PRICKLE2: variants seen among roughly 807,000 people sequenced by gnomAD.
PRICKLE2 encodes prickle planar cell polarity protein 2, also known as prickle-like protein 2.
Under a neutral mutation model 81.4 loss-of-function variants are expected in PRICKLE2, and 21 were observed. That is an observed-to-expected ratio of 0.26 (90% CI 0.18 to 0.37). The LOEUF (loss-of-function observed/expected upper bound fraction) is 0.37. Ranked by LOEUF, PRICKLE2 falls within the 10% of genes least tolerant of loss-of-function variation. The pLI is 1.00. For missense variants in PRICKLE2, 940 were observed against 1,109.0 expected, an observed-to-expected ratio of 0.85 and a Z score of 2.16; for synonymous variants, 456 against 421.5, an observed-to-expected ratio of 1.08 and a Z score of -1.00.
intron 1 of PRICKLE2, 119 bp from the exon 2 acceptor site, chr3:64,199,086 T>C (rs964709592): frequency 2.3e-6 from 2 of 880,022 alleles, no homozygotes; most frequent in Admixed American, 2.0e-5. Flanking sequence ...GCAATGGGCA[T>C]CGGGCAAAGG....
intron 7 of PRICKLE2, among the ~76,000 whole-genome samples, chr3:64,139,316 T>TA (rs917234288): frequency 1.1e-4 from 16 of 152,194 alleles, no homozygotes; most frequent in African/African-American, 1.9e-4. Context: ...CTGGCCTGAG[T>TA]AAAAAAAACA....
At chr3:64,254,862 T>C (rs1333696887) in intron 2 of PRICKLE2, among the ~76,000 whole-genome samples, 4 of 152,192 alleles carry the variant, frequency 2.6e-5, no homozygotes, top group Admixed American at 6.5e-5. Flanking sequence ...CACTTACCAG[T>C]TGTATGGTCT....
chr3:64,103,436 G>T (rs921559451), intron 7 of PRICKLE2: 3 of 152,198 alleles, frequency 2.0e-5, no homozygotes, highest in Non-Finnish European at 4.4e-5. Context: ...CATGCAAAAA[G>T]AATATGTGCT....
At chr3:64,227,251 G>A (rs1364533073), upstream of PRICKLE2, among the ~76,000 whole-genome samples, 1 of 152,116 alleles carries the variant, frequency 6.6e-6, no homozygotes, top group Non-Finnish European at 1.5e-5. Context: ...ACAGAACTCA[G>A]AGCGTGTAGG....
chr3:64,147,777 C>G lies in PRICKLE2; in HGVS notation c.788-75G>C. The G allele has an allele frequency of 6.5e-7, 1 of 1,536,362 alleles. No homozygotes were observed. Among genetic ancestry groups the G allele is most frequent in the East Asian group, 2.3e-5 (1 of 44,430 alleles). ...GCACTGGGACGTGAAACACATAGCA[C>G]CTTGGTTTGTCTCAGGATTCCAGGT... On this transcript the variant is annotated intron_variant, in intron 6 of 7. Transcript: ENST00000638394. The surrounding 1 kb of genome is among the most constrained non-coding windows in gnomAD (Gnocchi z 5.0).
intron 7 of PRICKLE2, among the ~76,000 whole-genome samples, chr3:64,126,221 G>A (rs696010): frequency 0.5 from 76,247 of 151,998 alleles, 19,682 homozygotes; most frequent in Middle Eastern, 0.62. Flanking sequence ...GAAACAGTCT[G>A]GGACAAGAAT....
Position 64,126,425 on chromosome 3 carries a change from T to A in PRICKLE2, c.1660+20405A>T, listed in dbSNP as rs1426598800. ...AAACCATACCATCTCAACCCACACC[T>A]CTACCTCAAAGCTCAAAACCCAAAG... is the stretch of plus-strand genomic sequence containing the variant. On this transcript the variant is annotated intron_variant, in intron 7 of 7. Coordinates refer to ENST00000638394, the MANE Select transcript of PRICKLE2 (RefSeq NM_198859.4). Among the ~76,000 whole-genome samples, 5 of 152,218 alleles carry A rather than the reference T, an allele frequency of 3.3e-5. No homozygotes were observed. The South Asian group carries it at 1.0e-3, about 32-fold the overall frequency.
At chr3:64,266,475 T>C (rs1280526294) in intron 2 of PRICKLE2, among the ~76,000 whole-genome samples, 1 of 152,156 alleles carries the variant, frequency 6.6e-6, no homozygotes, top group Non-Finnish European at 1.5e-5. Flanking sequence ...CACAGGATCA[T>C]TTTTATATGC....
At chr3:64,136,763 G>A (rs1024710543) in intron 7 of PRICKLE2, among the ~76,000 whole-genome samples, 1 of 152,030 alleles carries the variant, frequency 6.6e-6, no homozygotes, top group African/African-American at 2.4e-5. Context: ...GGAAGGTCAA[G>A]GTAGGAAGGT....
chr3:64,108,105 T>G (rs996806133), intron 7 of PRICKLE2, among the ~76,000 whole-genome samples: 7 of 152,242 alleles, frequency 4.6e-5, no homozygotes, highest in African/African-American at 1.7e-4. Context: ...TTCATTTGCA[T>G]GTTGTTGGTG....
At chr3:64,108,448 GT>G (rs2076789872) in intron 7 of PRICKLE2, among the ~76,000 whole-genome samples, 1 of 152,166 alleles carries the variant, frequency 6.6e-6, no homozygotes, top group Non-Finnish European at 1.5e-5. Flanking sequence ...CATCTGGGCA[GT>G]GGAGCTTAAA....
chr3:64,161,878 ATTAG>A (rs1490466679), intron 3 of PRICKLE2, among the ~76,000 whole-genome samples: 1 of 152,146 alleles, frequency 6.6e-6, no homozygotes, highest in African/African-American at 2.4e-5. Context: ...TCACTTCCAA[ATTAG>A]TTAACCAGGC....
At chr3:64,175,631 A>G (rs1329442710) in intron 2 of PRICKLE2, among the ~76,000 whole-genome samples, 1 of 152,204 alleles carries the variant, frequency 6.6e-6, no homozygotes, top group Non-Finnish European at 1.5e-5. Context: ...TGTTCATTAC[A>G]TCTACATGCA....
intron 2 of PRICKLE2, among the ~76,000 whole-genome samples, chr3:64,169,111 G>A (rs989596977): frequency 1.3e-5 from 2 of 152,136 alleles, no homozygotes; most frequent in African/African-American, 2.4e-5. Context: ...CCAATGACAC[G>A]GAAGGGTGTG....
chr3:64,144,881 TAA>T (rs1450268331), intron 7 of PRICKLE2, among the ~76,000 whole-genome samples: 1 of 152,164 alleles, frequency 6.6e-6, no homozygotes, highest in Non-Finnish European at 1.5e-5. Context: ...CGAACTGCTA[TAA>T]GTTTCTAACA....
chr3:64,174,634 T>G (rs2077989330), intron 2 of PRICKLE2: 1 of 190,806 alleles, frequency 5.2e-6, no homozygotes, highest in East Asian at 1.4e-4. Context: ...TTCAAAGATC[T>G]AAGCCTTGAT....
chr3:64,117,113 C>T (rs1048194591), intron 7 of PRICKLE2, among the ~76,000 whole-genome samples: 1 of 152,180 alleles, frequency 6.6e-6, no homozygotes, highest in African/African-American at 2.4e-5. Context: ...ATGATTATCA[C>T]AATAGATGTG....
intron 7 of PRICKLE2, among the ~76,000 whole-genome samples, chr3:64,111,720 C>A (rs1235813273): frequency 6.6e-6 from 1 of 152,152 alleles, no homozygotes; most frequent in Non-Finnish European, 1.5e-5. Context: ...CCCAAATCAT[C>A]TATGCTGTTA....
chr3:64,180,234 C>A (rs1309607489), intron 2 of PRICKLE2, among the ~76,000 whole-genome samples: 2 of 152,206 alleles, frequency 1.3e-5, no homozygotes, highest in Non-Finnish European at 2.9e-5. Flanking sequence ...TCATCCTCAA[C>A]AAAGACCATG....
Sources: allele counts gnomAD v4.1 joint callset (sites outside exome capture counted in the v4.1 genomes callset), GRCh38; gene constraint gnomAD v4.1.1; non-coding constraint Gnocchi (gnomAD v3.1); transcripts MANE v1.5; gene names NCBI Gene and HGNC (gene_info 2026-07-23, HGNC 2026-07-21).